The following CFHR5 variants were observed in gnomAD, a reference collection of about 807,000 sequenced individuals.
CFHR5 encodes the protein complement factor H related 5, also known as complement factor H-related protein 5.
Under a neutral mutation model 62.9 loss-of-function variants are expected in CFHR5, and 73 were observed. The observed-to-expected ratio is 1.16, with a 90% CI of 0.96 to 1.41. CFHR5 has a LOEUF of 1.41. Among genes scored for constraint, CFHR5 ranks in the 40% most tolerant of loss-of-function variants. The probability of loss-of-function intolerance (pLI) is 0.00; values close to 1 mark genes in which losing one functional copy is unlikely to be tolerated. For synonymous variants in CFHR5, 249 were observed against 227.2 expected (o/e 1.10, Z -0.86); for missense variants, 779 against 679.9 (o/e 1.15, Z -1.62).
intron 4 of CFHR5, 54 bp downstream of exon 4, chr1:196,994,310 C>A: frequency 1.5e-6 from 2 of 1,359,988 alleles, no homozygotes; most frequent in Non-Finnish European, 2.1e-6. Flanking sequence ...TATAATAATG[C>A]CCATATATTT....
rs556413509 is a variant in CFHR5 at position 196,986,763 on chromosome 1, T to A, written c.430+2626T>A. ...TGTGCCGCATTTTCTTAATCCAGTC[T>A]ATCACTTACGGACATTTGGGCTAGT... On this transcript the variant is annotated intron_variant, in intron 3 of 9. Coordinates refer to ENST00000256785, the MANE Select transcript of CFHR5 (RefSeq NM_030787.4). 2.6e-5 allele frequency among the ~76,000 whole-genome samples: 4 copies of A among 152,316 alleles called. No homozygotes were observed. In the East Asian group the frequency reaches 7.7e-4, roughly 29 times the overall value.
chr1:196,993,509 C>A (rs78156909), intron 3 of CFHR5, among the ~76,000 whole-genome samples: 1 of 152,110 alleles, frequency 6.6e-6, no homozygotes, highest in African/African-American at 2.4e-5. Context: ...GTTGGCCAGG[C>A]TAGTCTTGAA....
intron 8 of CFHR5, 64 bp downstream of exon 8, chr1:197,002,728 T>A: frequency 7.4e-7 from 1 of 1,350,688 alleles, no homozygotes; most frequent in Non-Finnish European, 1.0e-6. Context: ...TTGCTTTATC[T>A]AAAGAAAGAA....
At chr1:196,979,889 T>C (rs1653493793) in intron 1 of CFHR5, among the ~76,000 whole-genome samples, 1 of 152,154 alleles carries the variant, frequency 6.6e-6, no homozygotes, top group South Asian at 2.1e-4. Context: ...ATAAGCTTTC[T>C]ACTTTATCAA....
In CFHR5 at chr1:197,009,288, C is replaced by T. The variant is rs541811310; in HGVS notation, c.*605C>T. ...CACTGTTGCATTGGCAGTTAAGTTTCCACGTAAACTTTCGGGGACACATTC... is the reference window on the plus strand; with the variant it reads ...CACTGTTGCATTGGCAGTTAAGTTTTCACGTAAACTTTCGGGGACACATTC... On this transcript the variant is annotated 3_prime_UTR_variant, in exon 10 of 10. Coordinates refer to ENST00000256785, the MANE Select transcript of CFHR5 (RefSeq NM_030787.4). 1 of 152,356 alleles carries T rather than the reference C, an allele frequency of 6.6e-6. No homozygotes were observed. Among genetic ancestry groups the T allele is most frequent in the South Asian group, 2.1e-4 (1 of 4,828 alleles). The allele number at this position is 152,356 out of a possible 1,614,324, so 9.4% of individuals were successfully genotyped here.
intron 2 of CFHR5, among the ~76,000 whole-genome samples, chr1:196,983,696 T>C (rs1043744995): frequency 2.0e-5 from 3 of 152,136 alleles, no homozygotes; most frequent in East Asian, 1.9e-4. Context: ...TATGAAGATA[T>C]TGTTTTGGTG....
chr1:197,009,634 T>C lies in CFHR5; in HGVS notation c.*951T>C, dbSNP rs1366081086. ...GTAAGTCTAGCTACCTATCCAATACTAAATACCCCTTAAAGTATTAAATGC... is the reference window on the plus strand; with the variant it reads ...GTAAGTCTAGCTACCTATCCAATACCAAATACCCCTTAAAGTATTAAATGC... On this transcript the variant is annotated 3_prime_UTR_variant, in exon 10 of 10. Coordinates refer to ENST00000256785, the MANE Select transcript of CFHR5 (RefSeq NM_030787.4). The C allele has an allele frequency of 6.6e-6, 1 of 152,126 alleles. No homozygotes were observed. Among genetic ancestry groups the C allele is most frequent in the Non-Finnish European group, 1.5e-5 (1 of 68,006 alleles). The allele number at this position is 152,126 out of a possible 1,614,324, so 9.4% of individuals were successfully genotyped here. A position where few individuals can be genotyped will look rare whatever the true frequency, so the allele number is the denominator to read the frequency against.
At chr1:197,005,899 A>G (rs1298975321) in intron 9 of CFHR5, among the ~76,000 whole-genome samples, 2 of 152,288 alleles carry the variant, frequency 1.3e-5, no homozygotes, top group East Asian at 1.9e-4. Flanking sequence ...CCCCTCTCCC[A>G]GGATATCATT....
At chr1:196,994,525 C>T (rs564580613) in intron 4 of CFHR5, among the ~76,000 whole-genome samples, 1 of 152,060 alleles carries the variant, frequency 6.6e-6, no homozygotes, top group East Asian at 1.9e-4. Context: ...TAGGATTTTT[C>T]CATCTAGCTC....
chr1:196,990,464 A>C (rs562194527), intron 3 of CFHR5, among the ~76,000 whole-genome samples: 18 of 152,238 alleles, frequency 1.2e-4, no homozygotes, highest in Admixed American at 1.2e-3. Flanking sequence ...TCTACCTAGC[A>C]TAGATGGTCT....
Position 197,002,641 on chromosome 1 carries a change from G to C in CFHR5, c.1307G>C (p.Trp436Ser). 1.9e-6 allele frequency: 3 copies of C among 1,613,406 alleles called. No homozygotes were observed. The highest frequency in any genetic ancestry group is 2.5e-6 in the Non-Finnish European group (3 of 1,179,612). Residue 436 changes from tryptophan to serine, a missense_variant, in exon 8 of 10, where the codon TGG (tryptophan) becomes TCG (serine). Transcript: ENST00000256785. ...AKEIVCKDGR[W>S]QSLPRCVEST... ...GAAATTGTATGTAAAGATGGACGAT[G>C]GCAATCATTACCACGCTGTGTTGGT...
chr1:196,980,591 C>CGTGTGTGTGT (rs57437038), intron 1 of CFHR5, among the ~76,000 whole-genome samples: 3 of 145,548 alleles, frequency 2.1e-5, no homozygotes, highest in Admixed American at 1.4e-4. Flanking sequence ...TGTATATATA[C>CGTGTGTGTGT]GTGTGTGTGT....
chr1:196,976,890 T>C (rs1364171746), upstream of CFHR5, among the ~76,000 whole-genome samples: 8 of 148,472 alleles, frequency 5.4e-5, no homozygotes, highest in South Asian at 4.4e-4. Context: ...CGGCAAGCTC[T>C]GCCTCCCGGT....
intron 3 of CFHR5, among the ~76,000 whole-genome samples, chr1:196,989,805 TG>T (rs1653792957): frequency 6.6e-6 from 1 of 152,206 alleles, no homozygotes; most frequent in South Asian, 2.1e-4. Context: ...TGGTCAATTT[TG>T]GGATAAGTGC....
At chr1:196,986,008 G>A (rs550570962) in intron 3 of CFHR5, among the ~76,000 whole-genome samples, 75 of 152,134 alleles carry the variant, frequency 4.9e-4, no homozygotes, top group African/African-American at 1.5e-3. Flanking sequence ...CTTTCTGCCC[G>A]TTGCTTATTC....
chr1:196,979,111 A>C (rs1284299577), intron 1 of CFHR5, among the ~76,000 whole-genome samples: 1 of 152,182 alleles, frequency 6.6e-6, no homozygotes, highest in Non-Finnish European at 1.5e-5. Context: ...GAATCAAGCA[A>C]TATATTGTGC....
upstream of CFHR5, among the ~76,000 whole-genome samples, chr1:196,976,922 A>C (rs1296720005): frequency 2.0e-5 from 3 of 146,390 alleles, no homozygotes; most frequent in African/African-American, 7.7e-5. Flanking sequence ...CTCCTGCCTC[A>C]GCCTCCCGAG....
chr1:196,994,001 C>A, intron 3 of CFHR5, 79 bp from the exon 4 acceptor site: 2 of 1,088,542 alleles, frequency 1.8e-6, no homozygotes, highest in South Asian at 2.6e-5. Context: ...AAGCCCCTTG[C>A]ATCTTATTTT....
At chr1:197,003,293 G>C (rs1233437620) in intron 8 of CFHR5, among the ~76,000 whole-genome samples, 3 of 152,108 alleles carry the variant, frequency 2.0e-5, no homozygotes, top group Non-Finnish European at 4.4e-5. Context: ...CTCACTTCCT[G>C]TCATGCAGCC....
Sources: allele counts gnomAD v4.1 joint callset (sites outside exome capture counted in the v4.1 genomes callset), GRCh38; gene constraint gnomAD v4.1.1; transcripts MANE v1.5; gene names NCBI Gene and HGNC (gene_info 2026-07-23, HGNC 2026-07-21).